The following SHOC2 variants were observed in gnomAD, a reference collection of about 807,000 sequenced individuals.
SHOC2 encodes the protein leucine-rich repeat protein SHOC-2.
SHOC2 carries 4 observed loss-of-function variants against 50.2 expected under a neutral mutation model. The observed-to-expected ratio is 0.08, with a 90% CI of 0.04 to 0.18. SHOC2 has a LOEUF of 0.18. Ranked by LOEUF, SHOC2 falls within the 10% of genes least tolerant of loss-of-function variation. The pLI is 1.00. For missense variants in SHOC2, 388 were observed against 669.6 expected (o/e 0.58, Z 4.64); for synonymous variants, 218 against 244.5 (o/e 0.89, Z 1.01).
intron 2 of SHOC2, among the ~76,000 whole-genome samples, chr10:110,977,536 T>C (rs1051015180): frequency 2.6e-5 from 4 of 152,218 alleles, no homozygotes; most frequent in African/African-American, 9.7e-5. Flanking sequence ...TGAGCCACCG[T>C]ACCCATCCTG....
At chr10:110,941,230 G>A (rs1179982323) in intron 1 of SHOC2, among the ~76,000 whole-genome samples, 1 of 151,806 alleles carries the variant, frequency 6.6e-6, no homozygotes, top group Non-Finnish European at 1.5e-5. Context: ...TAATGATACT[G>A]AACATCTTAT....
At chr10:111,004,141 T>C (rs1201571876) in intron 4 of SHOC2, among the ~76,000 whole-genome samples, 1 of 152,190 alleles carries the variant, frequency 6.6e-6, no homozygotes, top group Non-Finnish European at 1.5e-5. Context: ...TATGTTAATC[T>C]TAATAATTTA....
chr10:111,004,878 G>A, intron 5 of SHOC2, 84 bp downstream of exon 5: 1 of 958,620 alleles, frequency 1.0e-6, no homozygotes, highest in East Asian at 2.5e-5. Flanking sequence ...AATTGTGTGG[G>A]GAGTGGGTAC....
At chr10:110,981,876 T>TATTTATTTATTTTACTC (rs1554859803) in intron 2 of SHOC2, among the ~76,000 whole-genome samples, 8 of 135,412 alleles carry the variant, frequency 5.9e-5, no homozygotes, top group African/African-American at 2.1e-4. Flanking sequence ...ATTTATTTTT[T>TATTTATTTATTTTACTC]TAAGTTTTAG....
chr10:110,929,528 C>T (rs1028349839), intron 1 of SHOC2, among the ~76,000 whole-genome samples: 3 of 152,172 alleles, frequency 2.0e-5, no homozygotes, highest in Non-Finnish European at 2.9e-5. Context: ...GACTGGGCGG[C>T]TTAAGCAACA....
chr10:110,939,248 T>A (rs1475992088), intron 1 of SHOC2, among the ~76,000 whole-genome samples: 1 of 152,154 alleles, frequency 6.6e-6, no homozygotes, highest in East Asian at 1.9e-4. Flanking sequence ...AGACTCGGTT[T>A]CACTGTGTCA....
chr10:110,964,253 A>G lies in SHOC2; in HGVS notation c.-106A>G, dbSNP rs895863051. On this transcript the variant is annotated 5_prime_UTR_variant, in exon 2 of 9. Transcript: ENST00000369452. This position sits in a 1 kb window ranked among gnomAD's most constrained non-coding sequence, Gnocchi z 4.9. ...TTACTCCATGCTGATTACTTCTTCAAGCCAGTACTTTTTTGATTGTGTAGG... is the reference window on the plus strand; with the variant it reads ...TTACTCCATGCTGATTACTTCTTCAGGCCAGTACTTTTTTGATTGTGTAGG... 1.2e-5 allele frequency: 18 copies of G among 1,521,880 alleles called. No individual in the cohort carries two copies. The Middle Eastern group carries it at 6.3e-4, about 53-fold the overall frequency. 94.3% of individuals were successfully genotyped at this position (1,521,880 alleles called of 1,614,324 possible). A position where few individuals can be genotyped will look rare whatever the true frequency, so the allele number is the denominator to read the frequency against.
At chr10:110,955,070 A>G (rs1312663330) in intron 1 of SHOC2, among the ~76,000 whole-genome samples, 6 of 152,162 alleles carry the variant, frequency 3.9e-5, no homozygotes, top group African/African-American at 1.4e-4. Context: ...CCTCTGTAAC[A>G]TTTTGTGCTG....
intron 4 of SHOC2, among the ~76,000 whole-genome samples, chr10:111,003,851 C>T (rs577082913): frequency 1.1e-4 from 17 of 152,166 alleles, no homozygotes; most frequent in Non-Finnish European, 1.6e-4. Context: ...TATATACGGT[C>T]GTATATTATT....
intron 8 of SHOC2, among the ~76,000 whole-genome samples, chr10:111,010,530 C>T (rs774542741): frequency 7.9e-5 from 12 of 151,674 alleles, no homozygotes; most frequent in South Asian, 2.1e-4. Flanking sequence ...CGGGGCCTGT[C>T]GTGGGGTAGC....
chr10:110,944,573 A>T (rs189137706), intron 1 of SHOC2, among the ~76,000 whole-genome samples: 8 of 152,362 alleles, frequency 5.3e-5, no homozygotes, highest in Middle Eastern at 3.4e-3. Flanking sequence ...TCTTTGAAAT[A>T]ATGTGGACAT....
chr10:110,936,271 ATT>A (rs111269195), intron 1 of SHOC2, among the ~76,000 whole-genome samples: 1 of 141,452 alleles, frequency 7.1e-6, no homozygotes. Flanking sequence ...TAATTTTTGT[ATT>A]TTTTTTTTTT....
chr10:110,942,198 A>T (rs1421990119), intron 1 of SHOC2, among the ~76,000 whole-genome samples: 1 of 152,224 alleles, frequency 6.6e-6, no homozygotes, highest in Non-Finnish European at 1.5e-5. Flanking sequence ...TTAAATAAAG[A>T]CATTTGTTAA....
In SHOC2 at chr10:111,011,992, A is replaced by G; in HGVS notation, c.*174A>G. 1.6e-6 allele frequency: 1 copy of G among 619,662 alleles called. No homozygotes were observed. The highest frequency in any genetic ancestry group is 2.0e-5 in the South Asian group (1 of 49,880). The allele number at this position is 619,662 out of a possible 1,614,324, so 38.4% of individuals were successfully genotyped here. Reference sequence around the variant, plus strand: ...ATTTAGAATTTTTTTTAAATTCTGTACAAAAGGCTTATATAAGTTTTCTTT... The same window carrying G: ...ATTTAGAATTTTTTTTAAATTCTGTGCAAAAGGCTTATATAAGTTTTCTTT... On this transcript the variant is annotated 3_prime_UTR_variant, in exon 9 of 9. Coordinates refer to ENST00000369452, the MANE Select transcript of SHOC2 (RefSeq NM_007373.4).
chr10:110,979,157 T>C (rs893103519), intron 2 of SHOC2, among the ~76,000 whole-genome samples: 2 of 152,200 alleles, frequency 1.3e-5, no homozygotes, highest in Non-Finnish European at 2.9e-5. Context: ...TCCCAACTCA[T>C]GTAGTTTTTG....
rs143255065 is a variant in SHOC2 at position 110,945,263 on chromosome 10, T to A, written c.-234-18862T>A. ...TACGGTCAGCATTGCAAATAGGGTC[T>A]TCCTGGAAACAAGACTGCTCAAGCA... is the stretch of plus-strand genomic sequence containing the variant. On this transcript the variant is annotated intron_variant, in intron 1 of 8. Coordinates refer to ENST00000369452, the MANE Select transcript of SHOC2 (RefSeq NM_007373.4). 3.5e-3 allele frequency among the ~76,000 whole-genome samples: 540 copies of A among 152,320 alleles called. 2 individuals are homozygous for A. Among genetic ancestry groups the A allele is most frequent in the Middle Eastern group, 6.8e-3 (2 of 294 alleles).
rs916894562 is a variant in SHOC2, at chr10:110,948,137, T to C, written c.-234-15988T>C. ...ACTGTCATAAGAGACAAAGTCATTA[T>C]ACAATGATAAAGAAGGCAGTTCATC... is the stretch of plus-strand genomic sequence containing the variant. On this transcript the variant is annotated intron_variant, in intron 1 of 8. Transcript: ENST00000369452. Among the ~76,000 whole-genome samples the C allele has an allele frequency of 2.0e-5, 3 of 152,200 alleles. No homozygotes were observed. The East Asian group carries it at 5.8e-4, about 29-fold the overall frequency.
chr10:110,961,748 T>C (rs1284985596), intron 1 of SHOC2, among the ~76,000 whole-genome samples: 1 of 152,336 alleles, frequency 6.6e-6, no homozygotes, highest in East Asian at 1.9e-4. Flanking sequence ...TTATGGATTA[T>C]GGGAAGTCCT....
intron 3 of SHOC2, among the ~76,000 whole-genome samples, chr10:110,990,598 C>T (rs1420614768): frequency 1.3e-5 from 2 of 152,064 alleles, no homozygotes; most frequent in Non-Finnish European, 2.9e-5. Context: ...AAACAGGCCA[C>T]TCGGCTCTAC....
Sources: allele counts gnomAD v4.1 joint callset (sites outside exome capture counted in the v4.1 genomes callset), GRCh38; gene constraint gnomAD v4.1.1; non-coding constraint Gnocchi (gnomAD v3.1); transcripts MANE v1.5; gene names NCBI Gene and HGNC (gene_info 2026-07-23, HGNC 2026-07-21).